SQSTM1: variants seen among roughly 807,000 people sequenced by gnomAD.
SQSTM1 encodes the protein sequestosome-1.
SQSTM1 carries 36 observed loss-of-function variants against 45.1 expected under a neutral mutation model. That is an observed-to-expected ratio of 0.80 (90% CI 0.61 to 1.05). The LOEUF is 1.05. SQSTM1 is among the 50% of genes least tolerant of loss of function. The pLI is 0.00. For synonymous variants in SQSTM1, 290 were observed against 244.3 expected, an observed-to-expected ratio of 1.19 and a Z score of -1.74; for missense variants, 617 against 607.1, an observed-to-expected ratio of 1.02 and a Z score of -0.17.
At chr5:179,815,204 G>A (rs145581800), upstream of SQSTM1, among the ~76,000 whole-genome samples, 1,503 of 152,120 alleles carry the variant, frequency 9.9e-3, 26 homozygotes, top group African/African-American at 0.035. Context: ...ATCACTTGAG[G>A]CCAAGAGTTC....
rs774141187 is a variant in SQSTM1, at chr5:179,833,567, C to T, written c.970-20C>T. 15 of 1,613,752 alleles carry T rather than the reference C, an allele frequency of 9.3e-6. No homozygotes were observed. Among genetic ancestry groups the T allele is most frequent in the East Asian group, 2.2e-5 (1 of 44,890 alleles). The stretch of plus-strand genomic sequence containing the variant: ...CTGTTGCGCGTGTCTCCTGTGTGCT[C>T]ATGGTGAGTTTTGTTCCAGGAACAG... On this transcript the variant is annotated intron_variant, in intron 6 of 7. Coordinates refer to ENST00000389805, the MANE Select transcript of SQSTM1 (RefSeq NM_003900.5).
chr5:179,821,185 C>G (rs902223297), intron 1 of SQSTM1, 44 bp downstream of exon 1: 8 of 1,317,568 alleles, frequency 6.1e-6, no homozygotes, highest in East Asian at 3.2e-5. Context: ...GCAGGCCGGA[C>G]ACGGCCTCCT....
Position 179,836,775 on chromosome 5 carries a change from G to T in SQSTM1, c.*182G>T. On this transcript the variant is annotated 3_prime_UTR_variant, in exon 8 of 8. Transcript: ENST00000389805. ...ACATGAAGGGAGGGTCCCTGTGTGTGTGTGTGCTGATGTTTCCTGGGTGCC... is the reference window on the plus strand; with the variant it reads ...ACATGAAGGGAGGGTCCCTGTGTGTTTGTGTGCTGATGTTTCCTGGGTGCC... The T allele has an allele frequency of 1.1e-6, 1 of 918,646 alleles. No homozygotes were observed. Among genetic ancestry groups the T allele is most frequent in the Non-Finnish European group, 1.7e-6 (1 of 583,956 alleles). The allele number at this position is 918,646 out of a possible 1,614,324, so 56.9% of individuals were successfully genotyped here. A position where few individuals can be genotyped will look rare whatever the true frequency, so the allele number is the denominator to read the frequency against.
At chr5:179,814,963 G>A (rs556058358), upstream of SQSTM1, among the ~76,000 whole-genome samples, 3 of 152,328 alleles carry the variant, frequency 2.0e-5, no homozygotes, top group East Asian at 5.8e-4. Context: ...CATAAAAGAT[G>A]TGCTACGTGT....
At chr5:179,821,618 TA>T in intron 1 of SQSTM1, 1 of 435,466 alleles carries the variant, frequency 2.3e-6, no homozygotes, top group Admixed American at 2.5e-5. Flanking sequence ...GTGACGCGGG[TA>T]AACAAGCGCG....
chr5:179,826,914 G>T (rs1157160561), intron 5 of SQSTM1, among the ~76,000 whole-genome samples: 1 of 152,092 alleles, frequency 6.6e-6, no homozygotes, highest in East Asian at 1.9e-4. Context: ...TCCAAGGAGG[G>T]TAAACAGTGG....
intron 1 of SQSTM1, among the ~76,000 whole-genome samples, chr5:179,822,179 A>G (rs67929139): frequency 0.26 from 39,678 of 152,150 alleles, 5,695 homozygotes; most frequent in East Asian, 0.5. Flanking sequence ...CATTTCATGT[A>G]AATAGAATCA....
At chr5:179,827,380 G>A (rs947585508) in intron 5 of SQSTM1, among the ~76,000 whole-genome samples, 1 of 152,162 alleles carries the variant, frequency 6.6e-6, no homozygotes, top group Non-Finnish European at 1.5e-5. Flanking sequence ...TGGCTCCTGG[G>A]TTCACGCCAT....
upstream of SQSTM1, chr5:179,819,109 T>G (rs1757672297): frequency 6.6e-6 from 1 of 152,300 alleles, no homozygotes; most frequent in Non-Finnish European, 1.5e-5. Flanking sequence ...CATGGGACGC[T>G]GACTCACTGC....
intron 1 of SQSTM1, among the ~76,000 whole-genome samples, chr5:179,822,233 T>C (rs923379538): frequency 6.6e-6 from 1 of 152,268 alleles, no homozygotes; most frequent in African/African-American, 2.4e-5. Context: ...TAGTGTAATG[T>C]GTTCAGTGTT....
Position 179,837,109 on chromosome 5 carries a change from T to A in SQSTM1, c.*516T>A. 9.5e-7 allele frequency: 1 copy of A among 1,047,232 alleles called. No homozygotes were observed. The highest frequency in any genetic ancestry group is 1.4e-6 in the Non-Finnish European group (1 of 702,322). 64.9% of individuals were successfully genotyped at this position (1,047,232 alleles called of 1,614,324 possible). Reference sequence around the variant, plus strand: ...TCACGAAGGGCATCCGCAATGTTGGTTTCACTGAGAGCTGCCTCCTGGTCT... The same window carrying A: ...TCACGAAGGGCATCCGCAATGTTGGATTCACTGAGAGCTGCCTCCTGGTCT... On this transcript the variant is annotated 3_prime_UTR_variant, in exon 8 of 8. Transcript: ENST00000389805.
chr5:179,825,032 G>A (rs1757936182), intron 4 of SQSTM1, 114 bp from the exon 5 acceptor site: 2 of 1,017,058 alleles, frequency 2.0e-6, no homozygotes, highest in Non-Finnish European at 3.0e-6. Flanking sequence ...TGGACAAGAT[G>A]TCCGGGTTAA....
rs1758593180 is a variant in SQSTM1, at chr5:179,836,952, C to T, written c.*359C>T. 1.6e-6 allele frequency: 1 copy of T among 606,102 alleles called. No individual in the cohort carries two copies. Among genetic ancestry groups the T allele is most frequent in the Non-Finnish European group, 2.9e-6 (1 of 343,122 alleles). 37.5% of individuals were successfully genotyped at this position (606,102 alleles called of 1,614,324 possible). On this transcript the variant is annotated 3_prime_UTR_variant, in exon 8 of 8. Transcript: ENST00000389805. ...TTTTGTTTTAAATGACTCATAGGTC[C>T]CTGACATTTAGTTGATTATTTTCTG...
chr5:179,814,311 TAG>T (rs1757517022), upstream of SQSTM1, among the ~76,000 whole-genome samples: 1 of 152,084 alleles, frequency 6.6e-6, no homozygotes, highest in Non-Finnish European at 1.5e-5. Flanking sequence ...TTAGGAGAAG[TAG>T]ATAGATTCAG....
At chr5:179,825,296 C>T in intron 5 of SQSTM1, 70 bp downstream of exon 5, 1 of 1,317,534 alleles carries the variant, frequency 7.6e-7, no homozygotes. Flanking sequence ...ACCTGGAATA[C>T]TGCAAAGGAA....
chr5:179,837,638 G>C lies in SQSTM1; in HGVS notation c.*1045G>C, dbSNP rs762650433. 1.9e-6 allele frequency: 3 copies of C among 1,614,208 alleles called. No individual in the cohort carries two copies. The highest frequency in any genetic ancestry group is 2.5e-6 in the Non-Finnish European group (3 of 1,180,044). On this transcript the variant is annotated 3_prime_UTR_variant, in exon 8 of 8. Coordinates refer to ENST00000389805, the MANE Select transcript of SQSTM1 (RefSeq NM_003900.5). ...CTGTGCTCTGGGGGTCCCTTGCTTA[G>C]CCTGTGCTGGACCAGCTGGCCTGGG...
chr5:179,825,045 G>C, intron 4 of SQSTM1, 101 bp from the exon 5 acceptor site: 1 of 1,207,708 alleles, frequency 8.3e-7, no homozygotes, highest in East Asian at 2.4e-5. Context: ...CGGGTTAAAG[G>C]TCACCCGGGA....
At chr5:179,826,775 A>G (rs1758010926) in intron 5 of SQSTM1, among the ~76,000 whole-genome samples, 1 of 146,930 alleles carries the variant, frequency 6.8e-6, no homozygotes. Context: ...TATTTTTTGT[A>G]TTTTTAGTAG....
intron 3 of SQSTM1, 36 bp from the exon 4 acceptor site, chr5:179,824,146 G>A: frequency 1.9e-6 from 3 of 1,613,490 alleles, no homozygotes; most frequent in East Asian, 2.2e-5. Flanking sequence ...ACCTTGACCC[G>A]CTCACTGCCT....
Sources: allele counts gnomAD v4.1 joint callset (sites outside exome capture counted in the v4.1 genomes callset), GRCh38; gene constraint gnomAD v4.1.1; transcripts MANE v1.5; gene names NCBI Gene and HGNC (gene_info 2026-07-23, HGNC 2026-07-21).